ROS1: variants seen among roughly 807,000 people sequenced by gnomAD.
ROS1 encodes the protein ROS proto-oncogene 1, receptor tyrosine kinase.
Under a neutral mutation model 273.5 loss-of-function variants are expected in ROS1, and 263 were observed. The observed-to-expected ratio is 0.96, with a 90% CI of 0.87 to 1.06. The LOEUF (loss-of-function observed/expected upper bound fraction) is 1.06. Ranked by LOEUF, ROS1 falls within the 50% of genes least tolerant of loss-of-function variation. The pLI is 0.00. For missense variants in ROS1, 2,833 were observed against 2,751.1 expected (o/e 1.03, Z -0.67); for synonymous variants, 1,008 against 954.1 (o/e 1.06, Z -1.04).
chr6:117,382,125 A>T (rs554805964), intron 17 of ROS1, among the ~76,000 whole-genome samples: 14 of 152,186 alleles, frequency 9.2e-5, no homozygotes, highest in Non-Finnish European at 1.9e-4. Flanking sequence ...TTTCCCTAAC[A>T]ATTATATTTT....
chr6:117,414,391 A>T (rs1436328740), intron 4 of ROS1, 128 bp downstream of exon 4: 1 of 662,160 alleles, frequency 1.5e-6, no homozygotes, highest in Non-Finnish European at 2.7e-6. Flanking sequence ...GAGTAATAAC[A>T]CTTTGAGGAA....
chr6:117,355,659 G>C (rs1206249200), intron 26 of ROS1, among the ~76,000 whole-genome samples: 12 of 151,866 alleles, frequency 7.9e-5, no homozygotes, highest in Non-Finnish European at 1.6e-4. Flanking sequence ...ACCCAGGCTG[G>C]AGTACAGTGG....
chr6:117,421,135 C>T (rs9489160), intron 1 of ROS1, among the ~76,000 whole-genome samples: 15,386 of 148,970 alleles, frequency 0.1, 885 homozygotes, highest in Non-Finnish European at 0.12. Flanking sequence ...GGTTGAATAT[C>T]TATCACATGC....
chr6:117,317,657 T>C (rs1337874339), intron 38 of ROS1, among the ~76,000 whole-genome samples: 2 of 152,148 alleles, frequency 1.3e-5, no homozygotes, highest in African/African-American at 4.8e-5. Context: ...CGGGTTTGGC[T>C]ACACAGTTTT....
At chr6:117,420,679 G>A (rs1484234773) in intron 1 of ROS1, among the ~76,000 whole-genome samples, 1 of 151,700 alleles carries the variant, frequency 6.6e-6, no homozygotes, top group Non-Finnish European at 1.5e-5. Flanking sequence ...CTCCCAATGT[G>A]ATATTCTCAA....
At chr6:117,317,343 G>A (rs1233214998) in intron 38 of ROS1, 71 bp from the exon 39 acceptor site, 3 of 1,489,668 alleles carry the variant, frequency 2.0e-6, no homozygotes, top group Admixed American at 2.2e-5. Context: ...TCTTTATGGA[G>A]TACAGCAATT....
intron 26 of ROS1, among the ~76,000 whole-genome samples, chr6:117,354,864 C>T (rs1016713801): frequency 1.3e-5 from 2 of 152,098 alleles, no homozygotes; most frequent in Non-Finnish European, 2.9e-5. Context: ...ACAAATATTG[C>T]AACATAGCAA....
intron 18 of ROS1, among the ~76,000 whole-genome samples, chr6:117,369,214 G>T (rs1780530952): frequency 6.6e-6 from 1 of 152,118 alleles, no homozygotes; most frequent in Non-Finnish European, 1.5e-5. Flanking sequence ...CCTGCCCTTT[G>T]TTATCTCACT....
In ROS1 at chr6:117,357,829, A is replaced by G; in HGVS notation, c.3814T>C (p.Ser1272Pro). 1.2e-6 allele frequency: 2 copies of G among 1,611,580 alleles called. No individual in the cohort carries two copies. The highest frequency in any genetic ancestry group is 1.7e-6 in the Non-Finnish European group (2 of 1,178,404). ...CTTAAAAGAGGATATACAGAAAAAG[A>G]AATTATTGTTGAATTCCTATTGTGA... Reference protein sequence around the residue: ...KIHNRNSTIISFSVYPLLSRL... With the variant: ...KIHNRNSTIIPFSVYPLLSRL... The change falls in exon 25 of 44, where the codon TCT (serine) becomes CCT (proline). Residue 1272 changes from serine to proline, a missense_variant. By Grantham distance (74) the Ser-to-Pro change is moderately conservative. Transcript: ENST00000368507.
chr6:117,329,894 C>T (rs1776949604), intron 32 of ROS1, among the ~76,000 whole-genome samples: 1 of 152,182 alleles, frequency 6.6e-6, no homozygotes. Context: ...CATCCCAACC[C>T]TAGAATGTAC....
intron 18 of ROS1, among the ~76,000 whole-genome samples, chr6:117,367,853 C>T (rs1003039959): frequency 6.6e-6 from 1 of 152,100 alleles, no homozygotes; most frequent in Non-Finnish European, 1.5e-5. Flanking sequence ...CATGACCCCA[C>T]CACCCCAAAA....
At chr6:117,342,606 ATTAT>A (rs1778035032) in intron 28 of ROS1, 62 bp from the exon 29 acceptor site, 1 of 1,091,792 alleles carries the variant, frequency 9.2e-7, no homozygotes, top group Non-Finnish European at 1.3e-6. Context: ...ATTGGTAGAA[ATTAT>A]TTAATCAAAG....
At chr6:117,299,158 C>T (rs773121443) in intron 43 of ROS1, among the ~76,000 whole-genome samples, 7 of 152,190 alleles carry the variant, frequency 4.6e-5, no homozygotes, top group Non-Finnish European at 5.9e-5. Context: ...AGGGTTATGA[C>T]GCATGGCCAA....
intron 27 of ROS1, among the ~76,000 whole-genome samples, chr6:117,349,972 A>G (rs1160245801): frequency 6.6e-6 from 1 of 152,020 alleles, no homozygotes; most frequent in Admixed American, 6.5e-5. Context: ...ACATAAGTGG[A>G]TATAATTGAA....
Position 117,389,455 on chromosome 6 carries a change from A to G in ROS1, c.1681T>C (p.Ser561Pro), listed in dbSNP as rs773272241. Residue 561 changes from serine to proline, a missense_variant, in exon 13 of 44, where the codon TCC (serine) becomes CCC (proline). Ser to Pro is a moderately conservative substitution (Grantham distance 74). Coordinates refer to ENST00000368507, the MANE Select transcript of ROS1 (RefSeq NM_001378902.1). ...CGGCCTGGCAGAGGGTGCAGCTGGG[A>G]GGATGAGCCAAAGATGACCAAGTTA... ...FGNLVIFGSS[S>P]QLHPLPGRPQ... is the part of the protein sequence containing the mutation. 4 of 1,614,190 alleles carry G rather than the reference A, an allele frequency of 2.5e-6. No individual in the cohort carries two copies. The highest frequency in any genetic ancestry group is 3.4e-6 in the Non-Finnish European group (4 of 1,180,034).
At chr6:117,390,920 C>A (rs1439255779) in intron 12 of ROS1, among the ~76,000 whole-genome samples, 1 of 152,090 alleles carries the variant, frequency 6.6e-6, no homozygotes, top group Admixed American at 6.5e-5. Flanking sequence ...AAACTTTTAA[C>A]TAAAATATAA....
intron 5 of ROS1, among the ~76,000 whole-genome samples, chr6:117,406,541 C>A (rs1166056426): frequency 6.6e-6 from 1 of 152,108 alleles, no homozygotes; most frequent in Non-Finnish European, 1.5e-5. Flanking sequence ...ATTGATTACA[C>A]TTGTATTCTA....
intron 7 of ROS1, among the ~76,000 whole-genome samples, chr6:117,402,417 C>T (rs1774020229): frequency 6.6e-6 from 1 of 152,194 alleles, no homozygotes; most frequent in African/African-American, 2.4e-5. Context: ...CTCATTCTGG[C>T]CACCTTATTT....
intron 24 of ROS1, 57 bp downstream of exon 24, chr6:117,359,752 G>A: frequency 2.2e-6 from 3 of 1,357,008 alleles, no homozygotes; most frequent in Non-Finnish European, 2.1e-6. Flanking sequence ...CTACAAAGTA[G>A]TGTCATATGC....
Sources: gnomAD v4.1 joint callset for allele counts (sites outside exome capture counted in the v4.1 genomes callset) on GRCh38, gnomAD v4.1.1 for gene constraint, MANE v1.5 for transcripts, NCBI Gene and HGNC (gene_info 2026-07-23, HGNC 2026-07-21) for gene names.